CARMIL1: variants seen among roughly 807,000 people sequenced by gnomAD.
The protein encoded by CARMIL1 is capping protein regulator and myosin 1 linker 1.
Under a neutral mutation model 177.1 loss-of-function variants are expected in CARMIL1, and 90 were observed. The ratio of observed to expected loss-of-function variants is 0.51; its 90% CI spans 0.43 to 0.61. The LOEUF is 0.61. Among genes scored for constraint, CARMIL1 ranks in the 20% least tolerant of loss-of-function variants. CARMIL1 has a pLI of 0.00. For missense variants in CARMIL1, 1,380 were observed against 1,667.0 expected (o/e 0.83, Z 3.00); for synonymous variants, 577 against 606.2 (o/e 0.95, Z 0.71).
intron 2 of CARMIL1, among the ~76,000 whole-genome samples, chr6:25,414,329 G>A (rs1444805180): frequency 6.6e-6 from 1 of 152,166 alleles, no homozygotes; most frequent in African/African-American, 2.4e-5. Context: ...AGGATTCTCA[G>A]CCCTGAAACT....
intron 29 of CARMIL1, among the ~76,000 whole-genome samples, chr6:25,573,096 G>A (rs536798801): frequency 6.6e-6 from 1 of 152,226 alleles, no homozygotes; most frequent in African/African-American, 2.4e-5. Flanking sequence ...CCTGGCTTAT[G>A]TTTTTCACCC....
intron 8 of CARMIL1, among the ~76,000 whole-genome samples, chr6:25,457,705 GAGCATGA>G (rs902622203): frequency 6.6e-6 from 1 of 152,212 alleles, no homozygotes; most frequent in African/African-American, 2.4e-5. Flanking sequence ...TGCATGCATG[GAGCATGA>G]AGAGTGGCAG....
Position 25,510,774 on chromosome 6 carries a change from G to A in CARMIL1, c.1632+12G>A. ...AAGATGAAGAATCAGTGAGTATTAT[G>A]TTAAACTTTTTACTAAAATCTTCTG... is the stretch of plus-strand genomic sequence containing the variant. On this transcript the variant is annotated intron_variant, in intron 20 of 36. Coordinates refer to ENST00000329474, the MANE Select transcript of CARMIL1 (RefSeq NM_017640.6). 2.1e-6 allele frequency: 3 copies of A among 1,460,392 alleles called. No individual in the cohort carries two copies. The highest frequency in any genetic ancestry group is 2.8e-6 in the Non-Finnish European group (3 of 1,085,636). 90.5% of individuals were successfully genotyped at this position (1,460,392 alleles called of 1,614,324 possible). A position where few individuals can be genotyped will look rare whatever the true frequency, so the allele number is the denominator to read the frequency against.
chr6:25,423,376 G>A (rs9348677), intron 3 of CARMIL1, among the ~76,000 whole-genome samples: 21,896 of 152,104 alleles, frequency 0.14, 1,712 homozygotes, highest in East Asian at 0.23. Flanking sequence ...CTTTTCTTTC[G>A]GGGGTTGGGT....
At chr6:25,420,205 C>A in intron 3 of CARMIL1, 41 bp downstream of exon 3, 1 of 1,564,568 alleles carries the variant, frequency 6.4e-7, no homozygotes, top group Non-Finnish European at 8.8e-7. Context: ...CTCACACTCA[C>A]TCATACCCAC....
At position 25,314,543 on chromosome 6, in the gene CARMIL1, T is replaced by TTCAC. The variant is rs1410988202; in HGVS notation, c.138+29634_138+29635insTCAC. ...ATACATACACATATATACGTATACA[T>TTCAC]ACACATACATATATATGTATGTATA... is the stretch of plus-strand genomic sequence containing the variant. On this transcript the variant is annotated intron_variant, in intron 2 of 36. Coordinates refer to ENST00000329474, the MANE Select transcript of CARMIL1 (RefSeq NM_017640.6). Among the ~76,000 whole-genome samples the TTCAC allele has an allele frequency of 9.6e-3, 1,451 of 151,802 alleles. 34 individuals carry two copies. The highest frequency in any genetic ancestry group is 0.033 in the African/African-American group (1,375 of 41,410).
intron 5 of CARMIL1, among the ~76,000 whole-genome samples, chr6:25,440,066 A>G (rs1449110962): frequency 1.3e-5 from 2 of 152,212 alleles, no homozygotes; most frequent in African/African-American, 4.8e-5. Context: ...CTTGGCACAT[A>G]GTAGGTACTG....
Position 25,515,722 on chromosome 6 carries a change from C to G in CARMIL1, c.1680C>G (p.Val560=). 6.2e-7 allele frequency: 1 copy of G among 1,609,748 alleles called. No homozygotes were observed. Among genetic ancestry groups the G allele is most frequent in the Non-Finnish European group, 8.5e-7 (1 of 1,178,248 alleles). Residue 560 remains valine (V), a synonymous_variant, in exon 21 of 37, where the codon GTC becomes GTG. Transcript: ENST00000329474. This position sits in a 1 kb window ranked among gnomAD's most constrained non-coding sequence, Gnocchi z 5.0. The part of the protein sequence containing the change: ...SLADSKLKTE[V]TIIINALGSN... ...CTGACTCGAAACTCAAGACTGAGGT[C>G]ACCATCATCATCAATGCCCTGGGAA...
chr6:25,580,498 A>C (rs1478147538), intron 29 of CARMIL1, among the ~76,000 whole-genome samples: 2 of 152,356 alleles, frequency 1.3e-5, no homozygotes, highest in African/African-American at 4.8e-5. Flanking sequence ...CGAGAGTGCA[A>C]CTACTTAAGT....
At chr6:25,467,326 T>G (rs1562178590) in intron 9 of CARMIL1, among the ~76,000 whole-genome samples, 1 of 151,948 alleles carries the variant, frequency 6.6e-6, no homozygotes, top group Non-Finnish European at 1.5e-5. Flanking sequence ...CAGCAAAGAG[T>G]ACAGGTGGGA....
intron 4 of CARMIL1, among the ~76,000 whole-genome samples, chr6:25,431,972 A>C (rs1383589244): frequency 6.6e-6 from 1 of 152,232 alleles, no homozygotes; most frequent in African/African-American, 2.4e-5. Context: ...ACCTAATGGT[A>C]TTCAAAATTT....
chr6:25,301,169 G>A (rs1782831544), intron 2 of CARMIL1, among the ~76,000 whole-genome samples: 1 of 152,186 alleles, frequency 6.6e-6, no homozygotes, highest in Admixed American at 6.5e-5. Context: ...AGCATGTATT[G>A]GGAAGAGATT....
At chr6:25,606,366 G>A in intron 35 of CARMIL1, 93 bp downstream of exon 35, 1 of 1,152,608 alleles carries the variant, frequency 8.7e-7, no homozygotes, top group Non-Finnish European at 1.2e-6. Context: ...AGGGGCAGCT[G>A]GTGAGCGAGG....
intron 2 of CARMIL1, among the ~76,000 whole-genome samples, chr6:25,318,496 T>G (rs1370884009): frequency 6.6e-6 from 1 of 152,230 alleles, no homozygotes; most frequent in African/African-American, 2.4e-5. Context: ...TGTTTTGATC[T>G]GAGCTCTTTG....
rs369417411 is a variant in CARMIL1 at position 25,338,731 on chromosome 6, G to A, written c.138+53822G>A. Among the ~76,000 whole-genome samples the A allele has an allele frequency of 2.0e-5, 3 of 152,088 alleles. No individual in the cohort carries two copies. In the South Asian group the frequency reaches 6.2e-4, roughly 32 times the overall value. Reference sequence around the variant, plus strand: ...TGTGTTTAGCACTTTTCCAATAAGTGGGCCATTGATTCGGTTATAACAAAC... The same window carrying A: ...TGTGTTTAGCACTTTTCCAATAAGTAGGCCATTGATTCGGTTATAACAAAC... On this transcript the variant is annotated intron_variant, in intron 2 of 36. Coordinates refer to ENST00000329474, the MANE Select transcript of CARMIL1 (RefSeq NM_017640.6).
At chr6:25,294,287 T>A (rs78936838) in intron 2 of CARMIL1, among the ~76,000 whole-genome samples, 6,807 of 152,202 alleles carry the variant, frequency 0.045, 224 homozygotes, top group Middle Eastern at 0.099. Context: ...TTATGGACAT[T>A]GACTGGGATT....
intron 2 of CARMIL1, among the ~76,000 whole-genome samples, chr6:25,384,521 T>A (rs936362892): frequency 6.6e-5 from 10 of 152,274 alleles, no homozygotes; most frequent in African/African-American, 2.4e-4. Flanking sequence ...GGGTGATGGT[T>A]GAGGTTGCTC....
At chr6:25,313,681 C>CTGCATATATATATGTATATATGTGTA (rs1162745485) in intron 2 of CARMIL1, among the ~76,000 whole-genome samples, 1 of 116,244 alleles carries the variant, frequency 8.6e-6, no homozygotes, top group African/African-American at 3.9e-5. Flanking sequence ...CCAGGGAAGG[C>CTGCATATATATATGTATATATGTGTA]TGTATATATA....
intron 24 of CARMIL1, among the ~76,000 whole-genome samples, chr6:25,535,960 A>G (rs1236976578): frequency 6.6e-6 from 1 of 152,158 alleles, no homozygotes; most frequent in African/African-American, 2.4e-5. Flanking sequence ...ATGACATTTT[A>G]AATGTTCTAC....
Sources: gnomAD v4.1 joint callset for allele counts (sites outside exome capture counted in the v4.1 genomes callset) on GRCh38, gnomAD v4.1.1 for gene constraint, Gnocchi (gnomAD v3.1) non-coding constraint, MANE v1.5 for transcripts, NCBI Gene and HGNC (gene_info 2026-07-23, HGNC 2026-07-21) for gene names.